Variants in SLC44A1 observed in about 807,000 individuals in gnomAD.
SLC44A1 encodes choline transporter-like protein 1.
Under a neutral mutation model 79.3 loss-of-function variants are expected in SLC44A1, and 26 were observed. That is an observed-to-expected ratio of 0.33 (90% CI 0.24 to 0.46). The LOEUF (loss-of-function observed/expected upper bound fraction) is 0.46, where lower values mean the gene tolerates loss of function less well. SLC44A1 is among the 20% of genes least tolerant of loss of function. The pLI, the probability that SLC44A1 is intolerant of heterozygous loss-of-function variation, is 1.00. For missense variants in SLC44A1, 688 were observed against 798.1 expected (o/e 0.86, Z 1.66); for synonymous variants, 263 against 286.2 (o/e 0.92, Z 0.82).
At chr9:105,325,123 A>G (rs1213492120) in intron 3 of SLC44A1, among the ~76,000 whole-genome samples, 1 of 152,252 alleles carries the variant, frequency 6.6e-6, no homozygotes, top group Non-Finnish European at 1.5e-5. Flanking sequence ...AACTGATGAC[A>G]GGATAAACAA....
intron 1 of SLC44A1, among the ~76,000 whole-genome samples, chr9:105,268,675 T>C (rs1830013752): frequency 6.6e-6 from 1 of 152,032 alleles, no homozygotes; most frequent in Non-Finnish European, 1.5e-5. Flanking sequence ...TAATTTTTTG[T>C]ATTTAGTAGA....
At position 105,356,348 on chromosome 9, in the gene SLC44A1, G is replaced by T. The variant is rs1273095229; in HGVS notation, c.637G>T (p.Glu213Ter). 6.2e-7 allele frequency: 1 copy of T among 1,606,424 alleles called. No homozygotes were observed. The highest frequency in any genetic ancestry group is 8.5e-7 in the Non-Finnish European group (1 of 1,176,872). Residue 213 changes from glutamate (E) to a stop codon, truncating the protein, a stop_gained, in exon 6 of 16, where the codon GAA (glutamate) becomes TAA (stop). Coordinates refer to ENST00000374720, the MANE Select transcript of SLC44A1 (RefSeq NM_080546.5). LOFTEE classifies it high-confidence loss of function. ...RLISGVMTSK[E>*]IILGLCLLSL... The stretch of plus-strand genomic sequence containing the variant: ...GATTAGTGGAGTAATGACCAGCAAA[G>T]AAATTATATTGGGACTTTGCTTGTT...
intron 15 of SLC44A1, among the ~76,000 whole-genome samples, chr9:105,424,552 AC>A (rs1829295190): frequency 6.6e-6 from 1 of 152,300 alleles, no homozygotes; most frequent in South Asian, 2.1e-4. Context: ...ATACTAACTA[AC>A]TTTCTCAGTC....
At chr9:105,285,782 T>A (rs1347518703) in intron 1 of SLC44A1, among the ~76,000 whole-genome samples, 2 of 152,218 alleles carry the variant, frequency 1.3e-5, no homozygotes, top group Non-Finnish European at 2.9e-5. Flanking sequence ...AGTGGTGGAA[T>A]GTCATCAGTT....
intron 14 of SLC44A1, 36 bp from the exon 15 acceptor site, chr9:105,385,386 C>T (rs1250464331): frequency 1.4e-6 from 2 of 1,455,436 alleles, no homozygotes; most frequent in Non-Finnish European, 1.9e-6. Context: ...TCTGAAAGGA[C>T]CCAAGAATTT....
intron 15 of SLC44A1, among the ~76,000 whole-genome samples, chr9:105,405,091 G>A (rs931880505): frequency 1.3e-5 from 2 of 152,090 alleles, no homozygotes; most frequent in South Asian, 2.1e-4. Flanking sequence ...AGGCCAAGGC[G>A]GGTGGATCAC....
chr9:105,390,196 T>C lies in SLC44A1; in HGVS notation c.*1140T>C. On this transcript the variant is annotated 3_prime_UTR_variant, in exon 16 of 16. Coordinates refer to ENST00000374720, the MANE Select transcript of SLC44A1 (RefSeq NM_080546.5). ...GGGGGTGGGTTTGGGGTTTTTTGCT[T>C]TTTTATTCCTGAAGCTTACCAGATA... is the stretch of plus-strand genomic sequence containing the variant. 1 of 1,161,744 alleles carries C rather than the reference T, an allele frequency of 8.6e-7. No individual in the cohort carries two copies. The highest frequency in any genetic ancestry group is 1.1e-6 in the Non-Finnish European group (1 of 942,454). The allele number at this position is 1,161,744 out of a possible 1,614,324, so 72.0% of individuals were successfully genotyped here.
chr9:105,419,637 G>A (rs1351067992), intron 15 of SLC44A1, among the ~76,000 whole-genome samples: 1 of 152,248 alleles, frequency 6.6e-6, no homozygotes, highest in East Asian at 1.9e-4. Flanking sequence ...ATTTCTAGCT[G>A]GGCGCGGTGG....
intron 3 of SLC44A1, among the ~76,000 whole-genome samples, chr9:105,328,149 C>CA (rs1354623753): frequency 6.6e-6 from 1 of 152,172 alleles, no homozygotes; most frequent in Non-Finnish European, 1.5e-5. Context: ...TTCCAGGCAT[C>CA]ATTTTAGGCA....
chr9:105,421,487 A>G (rs1329888942), intron 15 of SLC44A1, among the ~76,000 whole-genome samples: 1 of 151,938 alleles, frequency 6.6e-6, no homozygotes, highest in Non-Finnish European at 1.5e-5. Flanking sequence ...AGAGTTCTGG[A>G]TTACAGGAGT....
In SLC44A1 at chr9:105,362,921, T is replaced by C; in HGVS notation, c.1001T>C (p.Leu334Pro). ...AAGGTCTTCATTCACTTGCCACTGC[T>C]AGTCTTCCAACCCTTCTGGACTTTC... ...AGKVFIHLPL[L>P]VFQPFWTFFA... The change falls in exon 9 of 16, where the codon CTA becomes CCA. Residue 334 changes from leucine (L) to proline (P), a missense_variant. By Grantham distance (98) the Leu-to-Pro change is moderately conservative. Transcript: ENST00000374720. The C allele has an allele frequency of 1.9e-6, 3 of 1,614,010 alleles. No homozygotes were observed. Among genetic ancestry groups the C allele is most frequent in the African/African-American group, 1.3e-5 (1 of 75,046 alleles).
At chr9:105,253,048 C>T (rs1829626377) in intron 1 of SLC44A1, among the ~76,000 whole-genome samples, 1 of 152,190 alleles carries the variant, frequency 6.6e-6, no homozygotes, top group Admixed American at 6.5e-5. Flanking sequence ...ATTTAACAAA[C>T]ATTTGGTTGA....
At chr9:105,276,306 G>A (rs953276292) in intron 1 of SLC44A1, among the ~76,000 whole-genome samples, 17 of 152,170 alleles carry the variant, frequency 1.1e-4, no homozygotes, top group Middle Eastern at 3.4e-3. Flanking sequence ...GAAGATTAAG[G>A]TGACTGAAGA....
chr9:105,428,926 G>A (rs527477228), intron 15 of SLC44A1, among the ~76,000 whole-genome samples: 24 of 152,280 alleles, frequency 1.6e-4, no homozygotes, highest in African/African-American at 4.8e-4. Flanking sequence ...GGATGGTCTC[G>A]ATCTCCTGAC....
chr9:105,265,496 T>C (rs1258541412), intron 1 of SLC44A1, among the ~76,000 whole-genome samples: 1 of 152,244 alleles, frequency 6.6e-6, no homozygotes, highest in East Asian at 1.9e-4. Flanking sequence ...TAAGTAGTAT[T>C]CCATTATATG....
At chr9:105,291,371 A>G (rs1289944727) in intron 1 of SLC44A1, among the ~76,000 whole-genome samples, 1 of 152,220 alleles carries the variant, frequency 6.6e-6, no homozygotes, top group Non-Finnish European at 1.5e-5. Flanking sequence ...TTTGCCACAT[A>G]CACACTTGAA....
intron 5 of SLC44A1, among the ~76,000 whole-genome samples, chr9:105,351,798 T>G (rs1827456825): frequency 6.6e-6 from 1 of 152,196 alleles, no homozygotes; most frequent in Non-Finnish European, 1.5e-5. Context: ...ATTATCTCAT[T>G]TAACCTTCAC....
intron 10 of SLC44A1, 143 bp downstream of exon 10, chr9:105,364,863 T>C (rs763709911): frequency 1.5e-5 from 9 of 599,174 alleles, no homozygotes; most frequent in Non-Finnish European, 2.6e-5. Flanking sequence ...CAGAGTGTTA[T>C]ATATAGTTGA....
intron 15 of SLC44A1, among the ~76,000 whole-genome samples, chr9:105,406,992 C>G (rs1829037382): frequency 6.6e-6 from 1 of 152,014 alleles, no homozygotes; most frequent in African/African-American, 2.4e-5. Flanking sequence ...CAAAAATTCA[C>G]TAAGAGGGGT....
Sources: gnomAD v4.1 joint callset for allele counts (sites outside exome capture counted in the v4.1 genomes callset) on GRCh38, gnomAD v4.1.1 for gene constraint, MANE v1.5 for transcripts, NCBI Gene and HGNC (gene_info 2026-07-23, HGNC 2026-07-21) for gene names.